CTIF: variants seen among roughly 807,000 people sequenced by gnomAD.
The protein encoded by CTIF is CBP80/20-dependent translation initiation factor.
Under a neutral mutation model 66.0 loss-of-function variants are expected in CTIF, and 21 were observed. The ratio of observed to expected loss-of-function variants is 0.32; its 90% CI spans 0.23 to 0.46. The LOEUF (loss-of-function observed/expected upper bound fraction) is 0.46. Ranked by LOEUF, CTIF falls within the 20% of genes least tolerant of loss-of-function variation. The pLI is 1.00. For missense variants in CTIF, 739 were observed against 812.7 expected, an observed-to-expected ratio of 0.91 and a Z score of 1.10; for synonymous variants, 345 against 326.4, an observed-to-expected ratio of 1.06 and a Z score of -0.62.
At chr18:48,834,796 T>C (rs1325104226) in intron 10 of CTIF, 1 of 152,686 alleles carries the variant, frequency 6.5e-6, no homozygotes, top group East Asian at 1.9e-4. Context: ...CAGCTCACAC[T>C]GCCCAAGGCT....
intron 1 of CTIF, chr18:48,565,726 A>G (rs991993888): frequency 4.6e-5 from 7 of 152,272 alleles, no homozygotes; most frequent in African/African-American, 1.7e-4. Context: ...CAACCATGCA[A>G]GCTCTCAGGA....
At chr18:48,663,658 A>C in intron 3 of CTIF, 94 bp from the exon 4 acceptor site, 1 of 1,151,728 alleles carries the variant, frequency 8.7e-7, no homozygotes, top group Non-Finnish European at 1.3e-6. Flanking sequence ...TTGGGGGCTC[A>C]CTCCAGCCCC....
chr18:48,764,493 G>T (rs908219334), intron 9 of CTIF, among the ~76,000 whole-genome samples: 2 of 152,152 alleles, frequency 1.3e-5, no homozygotes, highest in African/African-American at 4.8e-5. Context: ...TGGTGCTGGA[G>T]GGCCCTCGGT....
chr18:48,710,512 G>A (rs1274666028), intron 6 of CTIF, among the ~76,000 whole-genome samples: 1 of 152,198 alleles, frequency 6.6e-6, no homozygotes, highest in African/African-American at 2.4e-5. Context: ...GCATGGTGGT[G>A]CTCTCTGCCA....
intron 6 of CTIF, among the ~76,000 whole-genome samples, chr18:48,679,678 G>A (rs1224187430): frequency 6.6e-6 from 1 of 152,136 alleles, no homozygotes; most frequent in Non-Finnish European, 1.5e-5. Context: ...TCATGGCCCT[G>A]TTCCAATTTC....
chr18:48,645,143 G>A (rs895502521), intron 3 of CTIF, among the ~76,000 whole-genome samples: 2 of 152,058 alleles, frequency 1.3e-5, no homozygotes, highest in African/African-American at 4.8e-5. Flanking sequence ...AACGTAAGAA[G>A]ACTCGGAGAG....
chr18:48,722,590 C>A (rs1242278012), intron 7 of CTIF, among the ~76,000 whole-genome samples: 1 of 152,100 alleles, frequency 6.6e-6, no homozygotes, highest in African/African-American at 2.4e-5. Context: ...CCAGCCATAC[C>A]TGTTGGTGCT....
chr18:48,800,555 G>A (rs144900727), intron 9 of CTIF, among the ~76,000 whole-genome samples: 408 of 152,332 alleles, frequency 2.7e-3, no homozygotes, highest in Non-Finnish European at 4.7e-3. Context: ...TGGCCAAGGT[G>A]TGGGAGGTCA....
intron 1 of CTIF, among the ~76,000 whole-genome samples, chr18:48,609,894 T>C (rs76826295): frequency 0.053 from 8,012 of 152,224 alleles, 281 homozygotes; most frequent in South Asian, 0.13. Flanking sequence ...CTGGGTGACC[T>C]TGAGGGTGTG....
At chr18:48,627,152 C>T (rs1014964830) in intron 2 of CTIF, among the ~76,000 whole-genome samples, 10 of 152,272 alleles carry the variant, frequency 6.6e-5, no homozygotes, top group African/African-American at 2.4e-4. Flanking sequence ...TTAATGATCT[C>T]CTAGACATTG....
chr18:48,818,818 G>C (rs1398700947), intron 10 of CTIF, among the ~76,000 whole-genome samples: 1 of 152,088 alleles, frequency 6.6e-6, no homozygotes, highest in Admixed American at 6.5e-5. Context: ...GGACAGAAAA[G>C]TGTCCTGGGT....
chr18:48,773,622 G>A (rs1910382190), intron 9 of CTIF, among the ~76,000 whole-genome samples: 1 of 152,348 alleles, frequency 6.6e-6, no homozygotes, highest in South Asian at 2.1e-4. Flanking sequence ...AGAGCCCCTG[G>A]GTGAGCAGGC....
chr18:48,710,503 C>T (rs2092212276), intron 6 of CTIF, among the ~76,000 whole-genome samples: 1 of 152,188 alleles, frequency 6.6e-6, no homozygotes, highest in African/African-American at 2.4e-5. Flanking sequence ...AATGGTAGTG[C>T]ATGGTGGTGC....
intron 6 of CTIF, among the ~76,000 whole-genome samples, chr18:48,705,840 G>C (rs563222420): frequency 6.6e-6 from 1 of 152,366 alleles, no homozygotes; most frequent in Admixed American, 6.5e-5. Flanking sequence ...AACCTTCCCT[G>C]ACTCTTCTCC....
intron 8 of CTIF, chr18:48,760,766 C>T (rs1238194860): frequency 6.6e-6 from 1 of 152,268 alleles, no homozygotes; most frequent in Non-Finnish European, 1.5e-5. Context: ...AGAAGCCCAA[C>T]TGTTTTAGTG....
chr18:48,730,212 GTGTGAGGAGCCCCCGAA>G (rs2092426904), intron 7 of CTIF, among the ~76,000 whole-genome samples: 2 of 149,960 alleles, frequency 1.3e-5, no homozygotes, highest in Admixed American at 6.6e-5. Flanking sequence ...GGCTCCTGTG[GTGTGAGGAGCCCCCGAA>G]GTGTGAGGGG....
intron 7 of CTIF, among the ~76,000 whole-genome samples, chr18:48,728,804 G>T (rs925926427): frequency 2.6e-5 from 4 of 152,016 alleles, no homozygotes; most frequent in Non-Finnish European, 1.5e-5. Context: ...TTGTAACCTG[G>T]TCTCAAAGCA....
intron 7 of CTIF, among the ~76,000 whole-genome samples, chr18:48,743,118 C>G (rs1452302489): frequency 2.0e-5 from 3 of 152,214 alleles, no homozygotes; most frequent in Admixed American, 2.0e-4. Flanking sequence ...GGTAATAATT[C>G]TGCACATATG....
chr18:48,749,724 A>G lies in CTIF; in HGVS notation c.585-8195A>G, dbSNP rs553470274. Among the ~76,000 whole-genome samples the G allele has an allele frequency of 9.8e-5, 15 of 152,368 alleles. No homozygotes were observed. In the East Asian group the frequency reaches 2.7e-3, roughly 27 times the overall value. On this transcript the variant is annotated intron_variant, in intron 7 of 11. Coordinates refer to ENST00000256413, the MANE Select transcript of CTIF (RefSeq NM_014772.3). ...GAAGAAGCTAAGGCACAGAGCAGTT[A>G]AGGAACTTGCCCAAAGTTGCACAGC...
Sources: gnomAD v4.1 joint callset for allele counts (sites outside exome capture counted in the v4.1 genomes callset) on GRCh38, gnomAD v4.1.1 for gene constraint, MANE v1.5 for transcripts, NCBI Gene and HGNC (gene_info 2026-07-23, HGNC 2026-07-21) for gene names.